ULK4: variants seen among roughly 807,000 people sequenced by gnomAD.
The protein encoded by ULK4 is inactive serine/threonine-protein kinase ULK4.
In ULK4, 133 loss-of-function variants were observed where a neutral mutation model predicts 160.6. That is an observed-to-expected ratio of 0.83 (90% CI 0.72 to 0.96). The LOEUF (loss-of-function observed/expected upper bound fraction) is 0.96. ULK4 is among the 40% of genes least tolerant of loss of function. The pLI is 0.00. For synonymous variants in ULK4, 534 were observed against 539.8 expected (o/e 0.99, Z 0.15); for missense variants, 1,580 against 1,499.5 (o/e 1.05, Z -0.89).
intron 34 of ULK4, among the ~76,000 whole-genome samples, chr3:41,423,545 C>CT (rs1341006791): frequency 6.6e-6 from 1 of 151,998 alleles, no homozygotes; most frequent in African/African-American, 2.4e-5. Context: ...GAAAATTTGG[C>CT]TTTTTGGTTA....
rs146602688 is a variant in ULK4 at position 41,529,379 on chromosome 3, C to T, written c.3226+36646G>A. Among the ~76,000 whole-genome samples the T allele has an allele frequency of 7.7e-3, 1,175 of 152,138 alleles. 10 individuals are homozygous for T. Among genetic ancestry groups the T allele is most frequent in the Middle Eastern group, 0.034 (10 of 294 alleles). Reference sequence around the variant, plus strand: ...AAATACTCTTTGAAGCAAATAGGGGCGATTTGTTAATGCAAAGTTTTAGCA... The same window carrying T: ...AAATACTCTTTGAAGCAAATAGGGGTGATTTGTTAATGCAAAGTTTTAGCA... On this transcript the variant is annotated intron_variant, in intron 32 of 36. Transcript: ENST00000301831.
At chr3:41,618,358 TA>T (rs2125686639) in intron 30 of ULK4, among the ~76,000 whole-genome samples, 1 of 152,236 alleles carries the variant, frequency 6.6e-6, no homozygotes, top group African/African-American at 2.4e-5. Context: ...GAAAAAATGT[TA>T]AAGGCAGCCA....
chr3:41,888,966 G>A (rs1438615021), intron 16 of ULK4, among the ~76,000 whole-genome samples: 3 of 152,150 alleles, frequency 2.0e-5, no homozygotes, highest in Admixed American at 2.0e-4. Flanking sequence ...ACTTAGGCAA[G>A]CATAAAGGAA....
intron 2 of ULK4, among the ~76,000 whole-genome samples, chr3:41,947,879 C>A (rs756296161): frequency 6.6e-6 from 1 of 152,134 alleles, no homozygotes; most frequent in Non-Finnish European, 1.5e-5. Flanking sequence ...CTCAACAATA[C>A]GCTTTTGGTG....
chr3:41,959,089 T>G (rs1700580505), intron 1 of ULK4, among the ~76,000 whole-genome samples: 1 of 151,798 alleles, frequency 6.6e-6, no homozygotes, highest in Admixed American at 6.6e-5. Context: ...TTAGGCCAGG[T>G]GCAGTGGCTT....
intron 30 of ULK4, among the ~76,000 whole-genome samples, chr3:41,628,924 A>G (rs76008661): frequency 0.061 from 9,352 of 152,268 alleles, 429 homozygotes; most frequent in African/African-American, 0.12. Flanking sequence ...CTCTCAGAAG[A>G]AGGATTTGTG....
At chr3:41,961,478 C>A (rs1700665118) in intron 1 of ULK4, among the ~76,000 whole-genome samples, 1 of 149,942 alleles carries the variant, frequency 6.7e-6, no homozygotes, top group Admixed American at 6.7e-5. Context: ...ACTAAGCACT[C>A]CATAGGTGCT....
chr3:41,361,864 CATT>C (rs2081152440), intron 35 of ULK4, among the ~76,000 whole-genome samples: 1 of 152,058 alleles, frequency 6.6e-6, no homozygotes, highest in Non-Finnish European at 1.5e-5. Context: ...TTGTATCTGT[CATT>C]ATGAAGTAAG....
intron 17 of ULK4, among the ~76,000 whole-genome samples, chr3:41,870,207 A>C (rs1226128632): frequency 6.6e-6 from 1 of 152,210 alleles, no homozygotes; most frequent in Non-Finnish European, 1.5e-5. Flanking sequence ...TATCTTGGTC[A>C]GGGTTCGGTG....
At chr3:41,641,499 C>A (rs998495490) in intron 30 of ULK4, among the ~76,000 whole-genome samples, 1 of 152,112 alleles carries the variant, frequency 6.6e-6, no homozygotes, top group African/African-American at 2.4e-5. Flanking sequence ...GAGTTCAAGA[C>A]CACTCTGGGC....
rs764207580 is a variant in ULK4 at position 41,911,326 on chromosome 3, A to G, written c.1076T>C (p.Phe359Ser). The G allele has an allele frequency of 2.6e-5, 42 of 1,613,880 alleles. No individual in the cohort carries two copies. The East Asian group carries it at 8.5e-4, about 33-fold the overall frequency. Residue 359 changes from phenylalanine to serine, a missense_variant, in exon 11 of 37, where the codon TTT becomes TCT. Physicochemically the swap from Phe to Ser is radical, Grantham distance 155 (BLOSUM62 -2). Coordinates refer to ENST00000301831, the MANE Select transcript of ULK4 (RefSeq NM_017886.4). ...TLEGQLNESM[F>S]LLSSRPTPRT... ...TTTTCATTTTACCTACCTGAGAAGAAACATGGATTCATTCAATTGACCCTC... is the reference window on the plus strand; with the variant it reads ...TTTTCATTTTACCTACCTGAGAAGAGACATGGATTCATTCAATTGACCCTC...
chr3:41,872,834 C>T (rs1620430), intron 17 of ULK4, among the ~76,000 whole-genome samples: 10,890 of 151,344 alleles, frequency 0.072, 1,228 homozygotes, highest in African/African-American at 0.24. Flanking sequence ...GACTTTTTTT[C>T]CCTATTTCTA....
chr3:41,904,364 G>C lies in ULK4; in HGVS notation c.1182+3481C>G, dbSNP rs544628363. On this transcript the variant is annotated intron_variant, in intron 12 of 36. Transcript: ENST00000301831. ...GAATCACCTAAGCCCAACAAGTTGA[G>C]GCTGCAATGAGCAACGATCATGCCC... 3.9e-5 allele frequency among the ~76,000 whole-genome samples: 6 copies of C among 152,228 alleles called. No homozygotes were observed. In the East Asian group the frequency reaches 1.2e-3, roughly 29 times the overall value.
At chr3:41,299,234 G>A (rs981771415) in intron 35 of ULK4, among the ~76,000 whole-genome samples, 1 of 152,138 alleles carries the variant, frequency 6.6e-6, no homozygotes, top group African/African-American at 2.4e-5. Flanking sequence ...GGCCACGTGG[G>A]GCAGAACTGG....
chr3:41,285,584 T>G (rs1301560128), intron 35 of ULK4, among the ~76,000 whole-genome samples: 1 of 152,122 alleles, frequency 6.6e-6, no homozygotes, highest in Non-Finnish European at 1.5e-5. Flanking sequence ...CTTTGGGGAC[T>G]TGGGGGGAAG....
At chr3:41,288,997 G>T (rs1211962224) in intron 35 of ULK4, among the ~76,000 whole-genome samples, 4 of 152,198 alleles carry the variant, frequency 2.6e-5, no homozygotes, top group African/African-American at 9.6e-5. Flanking sequence ...ACAGCTCGGA[G>T]CACACAGTGG....
chr3:41,532,364 A>G (rs78651818), intron 32 of ULK4, among the ~76,000 whole-genome samples: 4 of 151,946 alleles, frequency 2.6e-5, no homozygotes, highest in Non-Finnish European at 5.9e-5. Flanking sequence ...AAGGACTTCA[A>G]CCTCTACTCC....
At chr3:41,773,849 G>T (rs2039501722) in intron 21 of ULK4, among the ~76,000 whole-genome samples, 2 of 152,142 alleles carry the variant, frequency 1.3e-5, no homozygotes, top group South Asian at 4.1e-4. Context: ...AACCAAAACA[G>T]CATGGTACTG....
At chr3:41,797,884 G>GAAAGA (rs1416837211) in intron 20 of ULK4, among the ~76,000 whole-genome samples, 1 of 146,820 alleles carries the variant, frequency 6.8e-6, no homozygotes, top group Admixed American at 6.8e-5. Flanking sequence ...AAAATGAAAG[G>GAAAGA]AAAGAAAAGA....
Sources: gnomAD v4.1 joint callset for allele counts (sites outside exome capture counted in the v4.1 genomes callset) on GRCh38, gnomAD v4.1.1 for gene constraint, MANE v1.5 for transcripts, NCBI Gene and HGNC (gene_info 2026-07-23, HGNC 2026-07-21) for gene names.